Variants in LPP observed in about 807,000 individuals in gnomAD.
LPP encodes the protein LIM domain containing preferred translocation partner in lipoma.
LPP carries 38 observed loss-of-function variants against 60.4 expected under a neutral mutation model. That is an observed-to-expected ratio of 0.63 (90% confidence interval 0.49 to 0.83). The LOEUF (loss-of-function observed/expected upper bound fraction) is 0.83, where lower values mean the gene tolerates loss of function less well. Among genes scored for constraint, LPP ranks in the 40% least tolerant of loss-of-function variants. The probability of loss-of-function intolerance (pLI) is 0.00; values close to 1 mark genes in which losing one functional copy is unlikely to be tolerated. For synonymous variants in LPP, 328 were observed against 290.8 expected (o/e 1.13, Z -1.30); for missense variants, 902 against 783.6 (o/e 1.15, Z -1.80).
At chr3:188,157,154 G>A (rs1412939722) in intron 1 of LPP, among the ~76,000 whole-genome samples, 4 of 152,134 alleles carry the variant, frequency 2.6e-5, no homozygotes, top group Admixed American at 1.3e-4. Context: ...TCATCATGTC[G>A]TTTATGAATG....
intron 1 of LPP, among the ~76,000 whole-genome samples, chr3:188,183,193 G>GTGTAGAAAA (rs1459062491): frequency 6.6e-6 from 1 of 152,142 alleles, no homozygotes; most frequent in Admixed American, 6.5e-5. Flanking sequence ...GCTTGATTGG[G>GTGTAGAAAA]CAGCTGGGAG....
intron 9 of LPP, among the ~76,000 whole-genome samples, chr3:188,815,254 G>A (rs961120199): frequency 1.3e-5 from 2 of 152,148 alleles, no homozygotes; most frequent in Non-Finnish European, 2.9e-5. Context: ...ATTGAAGCCA[G>A]CTCCTAGGCC....
intron 5 of LPP, among the ~76,000 whole-genome samples, chr3:188,520,217 A>G (rs1818491020): frequency 6.6e-6 from 1 of 152,214 alleles, no homozygotes; most frequent in African/African-American, 2.4e-5. Flanking sequence ...CGAATGGTTT[A>G]TTCATAGGAT....
intron 8 of LPP, among the ~76,000 whole-genome samples, chr3:188,736,043 T>G (rs1276714835): frequency 2.6e-5 from 4 of 152,192 alleles, no homozygotes; most frequent in African/African-American, 9.7e-5. Context: ...AAAAAAGTAG[T>G]GTTTTCAAAA....
chr3:188,845,429 G>T (rs534648624), intron 9 of LPP, among the ~76,000 whole-genome samples: 1 of 152,274 alleles, frequency 6.6e-6, no homozygotes, highest in East Asian at 1.9e-4. Flanking sequence ...CTTGAGGGAG[G>T]ATTACTGAAT....
intron 9 of LPP, among the ~76,000 whole-genome samples, chr3:188,812,480 G>A (rs1751270298): frequency 6.6e-6 from 1 of 152,236 alleles, no homozygotes; most frequent in East Asian, 1.9e-4. Context: ...GAAGGAATTT[G>A]CAAAAATGAC....
Position 188,851,016 on chromosome 3 carries a change from C to T in LPP, c.1411-15184C>T, listed in dbSNP as rs137977300. Among the ~76,000 whole-genome samples, 243 of 152,198 alleles carry T rather than the reference C, an allele frequency of 1.6e-3. 1 individual carries two copies. The East Asian group carries it at 0.022, about 14-fold the overall frequency. On this transcript the variant is annotated intron_variant, in intron 9 of 11. Transcript: ENST00000617246. ...TGTCTGGAGAGGACAGAAGTAGGGC[C>T]AATGGGGAAGAAGATATTTATGTCA...
At chr3:188,558,937 A>G (rs1343543045) in intron 6 of LPP, among the ~76,000 whole-genome samples, 1 of 152,132 alleles carries the variant, frequency 6.6e-6, no homozygotes, top group Non-Finnish European at 1.5e-5. Context: ...GGAAAGGATG[A>G]GTTTTTGATA....
At chr3:188,830,965 C>T (rs1056115343) in intron 9 of LPP, among the ~76,000 whole-genome samples, 17 of 152,140 alleles carry the variant, frequency 1.1e-4, no homozygotes, top group African/African-American at 4.1e-4. Context: ...AAATCTCAAT[C>T]CTGTAGTATT....
chr3:188,339,831 C>A (rs1477432504), intron 2 of LPP, among the ~76,000 whole-genome samples: 2 of 152,202 alleles, frequency 1.3e-5, no homozygotes, highest in African/African-American at 2.4e-5. Context: ...TGCTTCGACA[C>A]TTTGCCCAGG....
chr3:188,795,859 G>A (rs1354467698), intron 9 of LPP, among the ~76,000 whole-genome samples: 2 of 152,014 alleles, frequency 1.3e-5, no homozygotes, highest in African/African-American at 4.8e-5. Context: ...TTCTGCAGTG[G>A]TCTGATTTAT....
chr3:188,300,453 CA>C (rs1168820409), intron 2 of LPP, among the ~76,000 whole-genome samples: 20 of 118,314 alleles, frequency 1.7e-4, no homozygotes, highest in African/African-American at 6.4e-4. Context: ...CACACTTGGC[CA>C]TTTTTTTTTT....
At chr3:188,734,254 C>A (rs1373190789) in intron 8 of LPP, among the ~76,000 whole-genome samples, 1 of 152,126 alleles carries the variant, frequency 6.6e-6, no homozygotes, top group Non-Finnish European at 1.5e-5. Flanking sequence ...TTCAGTCATT[C>A]TTCCACATAA....
chr3:188,241,334 C>T (rs932138445), intron 2 of LPP, among the ~76,000 whole-genome samples: 41 of 152,344 alleles, frequency 2.7e-4, no homozygotes, highest in African/African-American at 9.6e-4. Context: ...GTGTGCTGGA[C>T]AGCCCCAGAC....
chr3:188,858,915 C>A (rs1486474871), intron 9 of LPP, among the ~76,000 whole-genome samples: 1 of 151,654 alleles, frequency 6.6e-6, no homozygotes, highest in Non-Finnish European at 1.5e-5. Flanking sequence ...CATGGTGAAA[C>A]CCTGTCTCTG....
At position 188,406,134 on chromosome 3, in the gene LPP, C is replaced by T; in HGVS notation, c.14C>T (p.Ser5Phe). 2 of 1,612,682 alleles carry T rather than the reference C, an allele frequency of 1.2e-6. No homozygotes were observed. Among genetic ancestry groups the T allele is most frequent in the Non-Finnish European group, 1.7e-6 (2 of 1,179,464 alleles). Residue 5 changes from serine (S) to phenylalanine (F), a missense_variant, in exon 4 of 12, where the codon TCT becomes TTT. Physicochemically the swap from Ser to Phe is radical, Grantham distance 155 (BLOSUM62 -2). Transcript: ENST00000617246. ...CAGATTCCAACAATGTCTCACCCAT[C>T]TTGGCTGCCACCCAAAAGCACTGGT... MSHP[S>F]WLPPKSTGEP...
At chr3:188,794,963 C>T (rs891694397) in intron 9 of LPP, among the ~76,000 whole-genome samples, 8 of 152,070 alleles carry the variant, frequency 5.3e-5, no homozygotes, top group African/African-American at 1.9e-4. Flanking sequence ...CGGTGAAACC[C>T]CGTCTCTACT....
At chr3:188,705,843 C>A (rs971729556) in intron 7 of LPP, among the ~76,000 whole-genome samples, 2 of 152,098 alleles carry the variant, frequency 1.3e-5, no homozygotes, top group Non-Finnish European at 2.9e-5. Context: ...TCTCGAACTT[C>A]TGGCCTCAAG....
At chr3:188,364,494 C>G (rs1282238263) in intron 3 of LPP, among the ~76,000 whole-genome samples, 1 of 152,150 alleles carries the variant, frequency 6.6e-6, no homozygotes, top group Non-Finnish European at 1.5e-5. Flanking sequence ...ATGCAGAAAA[C>G]TTCTATTGGA....
Sources: allele counts gnomAD v4.1 joint callset (sites outside exome capture counted in the v4.1 genomes callset), GRCh38; gene constraint gnomAD v4.1.1; transcripts MANE v1.5; gene names NCBI Gene and HGNC (gene_info 2026-07-23, HGNC 2026-07-21).